The following CHD5 variants were observed in gnomAD, a reference collection of about 807,000 sequenced individuals.
CHD5 encodes ATP-dependent chromatin remodeler CHD5.
A neutral mutation model predicts 230.3 loss-of-function variants in CHD5; 69 were observed. The ratio of observed to expected loss-of-function variants is 0.30; its 90% CI spans 0.25 to 0.37. CHD5 has a LOEUF of 0.37. Among genes scored for constraint, CHD5 ranks in the 10% least tolerant of loss-of-function variants. The probability of loss-of-function intolerance (pLI) is 1.00; values close to 1 mark genes in which losing one functional copy is unlikely to be tolerated. For synonymous variants in CHD5, 1,064 were observed against 1,065.9 expected (o/e 1.00, Z 0.03); for missense variants, 1,827 against 2,622.8 (o/e 0.70, Z 6.63).
In CHD5 at chr1:6,102,723, C is replaced by T. The variant is rs1666087069; in HGVS notation, c.*2751G>A. The T allele has an allele frequency of 6.6e-6, 1 of 152,180 alleles. No individual in the cohort carries two copies. 9.4% of individuals were successfully genotyped at this position (152,180 alleles called of 1,614,324 possible). A position where few individuals can be genotyped will look rare whatever the true frequency, so the allele number is the denominator to read the frequency against. On this transcript the variant is annotated 3_prime_UTR_variant, in exon 42 of 42. Coordinates refer to ENST00000262450, the MANE Select transcript of CHD5 (RefSeq NM_015557.3). ...AAGGCAGCCCCCAAAAGCAGGAGGA[C>T]TTCAATCATAGGGGGCAGGGAAAGT...
intron 1 of CHD5, among the ~76,000 whole-genome samples, chr1:6,176,670 T>G (rs1020273726): frequency 6.6e-6 from 1 of 152,174 alleles, no homozygotes; most frequent in Non-Finnish European, 1.5e-5. Flanking sequence ...TGAGCACCTA[T>G]CATGTGCTGG....
chr1:6,178,338 C>T (rs1043891138), intron 1 of CHD5, among the ~76,000 whole-genome samples: 1 of 151,958 alleles, frequency 6.6e-6, no homozygotes, highest in African/African-American at 2.4e-5. Flanking sequence ...CAGAGAGAGC[C>T]GGAGTGTAAG....
intron 33 of CHD5, among the ~76,000 whole-genome samples, chr1:6,115,355 C>T (rs1345927266): frequency 6.6e-6 from 1 of 152,100 alleles, no homozygotes; most frequent in Non-Finnish European, 1.5e-5. Context: ...CCTTGGTGTC[C>T]ACGCCCTGCA....
At chr1:6,157,829 A>C (rs908491203) in intron 3 of CHD5, among the ~76,000 whole-genome samples, 4 of 152,150 alleles carry the variant, frequency 2.6e-5, no homozygotes, top group African/African-American at 9.7e-5. Context: ...TCTTAAGTGA[A>C]GCTTTCAGAA....
intron 6 of CHD5, 48 bp downstream of exon 6, chr1:6,152,364 A>C: frequency 6.3e-7 from 1 of 1,580,696 alleles, no homozygotes; most frequent in Non-Finnish European, 8.6e-7. Context: ...ATGTGCAGAC[A>C]CACATGCATG....
chr1:6,134,801 CG>C lies in CHD5; in HGVS notation c.2928del (p.Asn978ThrfsTer9). 6.2e-7 allele frequency: 1 copy of C among 1,614,100 alleles called. No homozygotes were observed. The highest frequency in any genetic ancestry group is 8.5e-7 in the Non-Finnish European group (1 of 1,179,978). On this transcript the variant is annotated frameshift_variant, in exon 19 of 42. Coordinates refer to ENST00000262450, the MANE Select transcript of CHD5 (RefSeq NM_015557.3). LOFTEE classifies it high-confidence loss of function. This position sits in a 1 kb window ranked among gnomAD's most constrained non-coding sequence, Gnocchi z 6.3. ...ATGTTGAGCAGCGATACTTGGTTCC[CG>C]CCCCCCTTGGAGTTCAGTGCCTCAA... ...RNFEALNSKG[G>X]GNQVSLLNIM...
At chr1:6,115,073 G>C (rs994134795) in intron 33 of CHD5, among the ~76,000 whole-genome samples, 2 of 151,822 alleles carry the variant, frequency 1.3e-5, no homozygotes, top group African/African-American at 4.8e-5. Flanking sequence ...AGCACTTTGG[G>C]AGGCCGAGGC....
intron 1 of CHD5, among the ~76,000 whole-genome samples, chr1:6,171,376 G>T (rs1258862190): frequency 6.6e-6 from 1 of 152,120 alleles, no homozygotes; most frequent in Non-Finnish European, 1.5e-5. Flanking sequence ...CTCTGAGAAG[G>T]CTCTGGAACT....
chr1:6,146,968 C>G lies in CHD5; in HGVS notation c.1384-97G>C. ...GGCTGCCATGCAGGCTCCCTCCCAT[C>G]AGTGCCACTGCCCCCAAGTCAGAAC... On this transcript the variant is annotated intron_variant, in intron 9 of 41. Coordinates refer to ENST00000262450, the MANE Select transcript of CHD5 (RefSeq NM_015557.3). This position sits in a 1 kb window ranked among gnomAD's most constrained non-coding sequence, Gnocchi z 5.1. 2 of 924,484 alleles carry G rather than the reference C, an allele frequency of 2.2e-6. No homozygotes were observed. The highest frequency in any genetic ancestry group is 3.2e-6 in the Non-Finnish European group (2 of 630,772). 57.3% of individuals were successfully genotyped at this position (924,484 alleles called of 1,614,324 possible).
rs75896636 is a variant in CHD5 at position 6,177,708 on chromosome 1, C to A, written c.79+2237G>T. ...GGGTGTCCCTCCCCATCATAACATT[C>A]GAGCTGGGACCTAAATGACCAGGAG... On this transcript the variant is annotated intron_variant, in intron 1 of 41. Coordinates refer to ENST00000262450, the MANE Select transcript of CHD5 (RefSeq NM_015557.3). Among the ~76,000 whole-genome samples the A allele has an allele frequency of 8.3e-3, 1,262 of 152,300 alleles. 15 individuals carry two copies. The highest frequency in any genetic ancestry group is 0.028 in the African/African-American group (1,152 of 41,566).
chr1:6,155,822 G>C lies in CHD5; in HGVS notation c.388-105C>G, dbSNP rs1667071844. 3.6e-6 allele frequency: 3 copies of C among 828,990 alleles called. No homozygotes were observed. Among genetic ancestry groups the C allele is most frequent in the Non-Finnish European group, 5.9e-6 (3 of 504,894 alleles). The allele number at this position is 828,990 out of a possible 1,614,324, so 51.4% of individuals were successfully genotyped here. A position where few individuals can be genotyped will look rare whatever the true frequency, so the allele number is the denominator to read the frequency against. On this transcript the variant is annotated intron_variant, in intron 3 of 41. Transcript: ENST00000262450. This position sits in a 1 kb window ranked among gnomAD's most constrained non-coding sequence, Gnocchi z 4.0. Reference sequence around the variant, plus strand: ...AGGCTTTGGCACAGGGGAAAGAGGAGGGGTTGTGTCTGCAATGTAACCAGA... The same window carrying C: ...AGGCTTTGGCACAGGGGAAAGAGGACGGGTTGTGTCTGCAATGTAACCAGA...
Position 6,142,384 on chromosome 1 carries a change from C to G in CHD5, c.2235+30G>C. On this transcript the variant is annotated intron_variant, in intron 14 of 41. Transcript: ENST00000262450. The surrounding 1 kb of genome is among the most constrained non-coding windows in gnomAD (Gnocchi z 5.2). ...CCTGCCCTTGGCCAGGACCAGCCAC[C>G]CCTCCTGGCCGCCTGCCCCGCCTGC... The G allele has an allele frequency of 6.3e-7, 1 of 1,595,856 alleles. No individual in the cohort carries two copies. Among genetic ancestry groups the G allele is most frequent in the Non-Finnish European group, 8.6e-7 (1 of 1,167,208 alleles).
At chr1:6,161,732 C>G (rs76863385) in intron 2 of CHD5, among the ~76,000 whole-genome samples, 2 of 152,150 alleles carry the variant, frequency 1.3e-5, no homozygotes, top group African/African-American at 4.8e-5. Flanking sequence ...TTCAAGAGAC[C>G]GCCCTTCAGG....
chr1:6,174,289 G>A (rs568782261), intron 1 of CHD5, among the ~76,000 whole-genome samples: 220 of 152,270 alleles, frequency 1.4e-3, no homozygotes, highest in African/African-American at 5.1e-3. Flanking sequence ...ACAGAGATAA[G>A]CAAAAGCCCA....
At position 6,128,069 on chromosome 1, in the gene CHD5, C is replaced by A. The variant is rs764554049; in HGVS notation, c.3880G>T (p.Val1294Leu). Residue 1294 changes from valine (V) to leucine (L), a missense_variant, in exon 25 of 42, where the codon GTG becomes TTG. Physicochemically the swap from Val to Leu is conservative, Grantham distance 32 (BLOSUM62 1). Transcript: ENST00000262450. The surrounding 1 kb of genome is among the most constrained non-coding windows in gnomAD (Gnocchi z 7.8). ...YLSSFKVAQY[V>L]VREEDGVEEV... is the part of the protein sequence containing the mutation. Reference sequence around the variant, plus strand: ...ACCACGCCGTCCTCCTCGCGCACCACGTACTGCGCCACCTTGAAGGAGCTC... The same window carrying A: ...ACCACGCCGTCCTCCTCGCGCACCAAGTACTGCGCCACCTTGAAGGAGCTC... The A allele has an allele frequency of 6.2e-7, 1 of 1,611,976 alleles. No homozygotes were observed. The highest frequency in any genetic ancestry group is 1.1e-5 in the South Asian group (1 of 90,554).
Position 6,121,432 on chromosome 1 carries a change from G to A in CHD5, c.4779+62C>T, listed in dbSNP as rs1666469231. On this transcript the variant is annotated intron_variant, in intron 32 of 41. Coordinates refer to ENST00000262450, the MANE Select transcript of CHD5 (RefSeq NM_015557.3). The surrounding 1 kb of genome is among the most constrained non-coding windows in gnomAD (Gnocchi z 4.5). Reference sequence around the variant, plus strand: ...ACCTCGCTGTACAGGGCCTGAGAAGGTCCCCAGACCCAACCTCCACCCCAC... The same window carrying A: ...ACCTCGCTGTACAGGGCCTGAGAAGATCCCCAGACCCAACCTCCACCCCAC... 1.3e-6 allele frequency: 2 copies of A among 1,520,256 alleles called. No individual in the cohort carries two copies. Among genetic ancestry groups the A allele is most frequent in the Non-Finnish European group, 1.8e-6 (2 of 1,107,438 alleles). The allele number at this position is 1,520,256 out of a possible 1,614,324, so 94.2% of individuals were successfully genotyped here.
rs1303720220 is a variant in CHD5, at chr1:6,119,849, A to ATT, written c.4912+1254_4912+1255dup. ...TACGTGTATATGTATATATGTGTGT[A>ATT]TTATATATATATATATTTTTTTTTT... On this transcript the variant is annotated intron_variant, in intron 33 of 41. Transcript: ENST00000262450. 7.7e-5 allele frequency among the ~76,000 whole-genome samples: 10 copies of ATT among 129,448 alleles called. No individual in the cohort carries two copies. The South Asian group carries it at 8.7e-4, about 11-fold the overall frequency. 84.9% of individuals were successfully genotyped at this position (129,448 alleles called of 152,430 possible).
intron 2 of CHD5, among the ~76,000 whole-genome samples, chr1:6,165,296 C>A (rs1250194250): frequency 6.6e-6 from 1 of 152,168 alleles, no homozygotes; most frequent in African/African-American, 2.4e-5. Flanking sequence ...GGAGGGGAGC[C>A]AGCCCTATCT....
intron 33 of CHD5, among the ~76,000 whole-genome samples, chr1:6,114,382 C>G (rs1194452096): frequency 1.3e-5 from 2 of 152,142 alleles, no homozygotes; most frequent in African/African-American, 4.8e-5. Context: ...GTCAGAGACT[C>G]TCAAACAGAG....
Sources: gnomAD v4.1 joint callset for allele counts (sites outside exome capture counted in the v4.1 genomes callset) on GRCh38, gnomAD v4.1.1 for gene constraint, Gnocchi (gnomAD v3.1) non-coding constraint, MANE v1.5 for transcripts, NCBI Gene and HGNC (gene_info 2026-07-23, HGNC 2026-07-21) for gene names.